The following CYGB variants were observed in gnomAD, a reference collection of about 807,000 sequenced individuals.
CYGB encodes the protein histoglobin.
Under a neutral mutation model 20.7 loss-of-function variants are expected in CYGB, and 13 were observed. That is an observed-to-expected ratio of 0.63 (90% CI 0.41 to 1.00). The LOEUF is 1.00. Ranked by LOEUF, CYGB falls within the 50% of genes least tolerant of loss-of-function variation. CYGB has a pLI of 0.00. For missense variants in CYGB, 218 were observed against 257.2 expected (o/e 0.85, Z 1.04); for synonymous variants, 93 against 107.4 (o/e 0.87, Z 0.83).
chr17:76,528,461 T>C lies in CYGB; in HGVS notation c.*117A>G, dbSNP rs902444184. The C allele has an allele frequency of 7.0e-6, 7 of 995,146 alleles. 1 individual carries two copies. The Admixed American group carries it at 2.1e-4, about 30-fold the overall frequency. 61.6% of individuals were successfully genotyped at this position (995,146 alleles called of 1,614,324 possible). A position where few individuals can be genotyped will look rare whatever the true frequency, so the allele number is the denominator to read the frequency against. On this transcript the variant is annotated 3_prime_UTR_variant, in exon 4 of 4. Transcript: ENST00000293230. The surrounding 1 kb of genome is among the most constrained non-coding windows in gnomAD (Gnocchi z 5.8). ...GCCACAGAGGCCTCCTTCGGGGAAG[T>C]TGAGTCAGGGATTCCTCCAGCTTCC...
chr17:76,542,443 C>A, upstream of CYGB: 1 of 1,293,064 alleles, frequency 7.7e-7, no homozygotes, highest in South Asian at 1.2e-5. Flanking sequence ...TGGTCCTGCC[C>A]CTCAATATTG....
upstream of CYGB, chr17:76,542,647 G>T: frequency 6.4e-7 from 1 of 1,550,916 alleles, no homozygotes; most frequent in South Asian, 1.1e-5. Flanking sequence ...GGGCAGGGCT[G>T]GGAGCCGGGG....
Position 76,531,225 on chromosome 17 carries a change from G to A in CYGB, c.376-83C>T. Reference sequence around the variant, plus strand: ...CCCAGGCCCCTCCGCCCCACGTGTGGCCGAGAGGATCATTCCTAACGCAAC... The same window carrying A: ...CCCAGGCCCCTCCGCCCCACGTGTGACCGAGAGGATCATTCCTAACGCAAC... On this transcript the variant is annotated intron_variant, in intron 2 of 3. Coordinates refer to ENST00000293230, the MANE Select transcript of CYGB (RefSeq NM_134268.5). The surrounding 1 kb of genome is among the most constrained non-coding windows in gnomAD (Gnocchi z 7.4). The A allele has an allele frequency of 7.0e-7, 1 of 1,431,340 alleles. No homozygotes were observed. The highest frequency in any genetic ancestry group is 9.6e-7 in the Non-Finnish European group (1 of 1,045,186). 88.7% of individuals were successfully genotyped at this position (1,431,340 alleles called of 1,614,324 possible).
chr17:76,531,538 G>A lies in CYGB; in HGVS notation c.297C>T (p.Pro99=), dbSNP rs376396725. ...LNTVVENLHD[P]DKVSSVLALV... ...GGGCGAGCACAGAGGACACCTTGTC[G>A]GGGTCATGCAGGTTCTCCACGACAG... Residue 99 remains proline, a synonymous_variant, in exon 2 of 4, where the codon CCC becomes CCT. Coordinates refer to ENST00000293230, the MANE Select transcript of CYGB (RefSeq NM_134268.5). This position sits in a 1 kb window ranked among gnomAD's most constrained non-coding sequence, Gnocchi z 7.4. 5 of 1,614,014 alleles carry A rather than the reference G, an allele frequency of 3.1e-6. No individual in the cohort carries two copies. The highest frequency in any genetic ancestry group is 2.7e-5 in the African/African-American group (2 of 74,930).
upstream of CYGB, chr17:76,542,461 T>G: frequency 1.4e-6 from 2 of 1,453,014 alleles, no homozygotes; most frequent in Non-Finnish European, 1.9e-6. Context: ...TTGGGGTGAA[T>G]TGATAGGGAT....
In CYGB at chr17:76,531,940, C is replaced by G. The variant is rs1170838367; in HGVS notation, c.144-249G>C. The G allele has an allele frequency of 1.2e-5, 5 of 416,074 alleles. No individual in the cohort carries two copies. Among genetic ancestry groups the G allele is most frequent in the African/African-American group, 2.0e-5 (1 of 50,962 alleles). The allele number at this position is 416,074 out of a possible 1,614,324, so 25.8% of individuals were successfully genotyped here. The stretch of plus-strand genomic sequence containing the variant: ...CAGGCTGGCGGCTTCATCTCCTAGG[C>G]CTCTGTCTTCCTCGCTTCTTGCTTC... On this transcript the variant is annotated intron_variant, in intron 1 of 3. Coordinates refer to ENST00000293230, the MANE Select transcript of CYGB (RefSeq NM_134268.5). This position sits in a 1 kb window ranked among gnomAD's most constrained non-coding sequence, Gnocchi z 7.4.
chr17:76,541,100 A>G (rs2074987593), upstream of CYGB, among the ~76,000 whole-genome samples: 1 of 151,722 alleles, frequency 6.6e-6, no homozygotes, highest in Non-Finnish European at 1.5e-5. Flanking sequence ...CAGAAAGTTA[A>G]CTCTTCCCTA....
chr17:76,531,707 G>A lies in CYGB; in HGVS notation c.144-16C>T. On this transcript the variant is annotated splice_polypyrimidine_tract_variant and intron_variant, in intron 1 of 3. Coordinates refer to ENST00000293230, the MANE Select transcript of CYGB (RefSeq NM_134268.5). This position sits in a 1 kb window ranked among gnomAD's most constrained non-coding sequence, Gnocchi z 7.4. ...CACAAAGAACCTGGCAAGAGGAACA[G>A]GGGTGGTCGCTGAAGCTGGAGGCTG... 1.3e-6 allele frequency: 2 copies of A among 1,573,040 alleles called. No homozygotes were observed. Among genetic ancestry groups the A allele is most frequent in the Non-Finnish European group, 1.7e-6 (2 of 1,151,562 alleles).
In CYGB at chr17:76,527,644, C is replaced by T. The variant is rs1009663461; in HGVS notation, c.*934G>A. 3.5e-5 allele frequency: 16 copies of T among 453,746 alleles called. No homozygotes were observed. The highest frequency in any genetic ancestry group is 6.2e-5 in the Non-Finnish European group (14 of 226,628). The allele number at this position is 453,746 out of a possible 1,614,324, so 28.1% of individuals were successfully genotyped here. On this transcript the variant is annotated 3_prime_UTR_variant, in exon 4 of 4. Transcript: ENST00000293230. ...TGGGGTGGGGAAAGCCCTCGGCCCT[C>T]GGAGCTGAGGGTGAGACCCAGGCAT... is the stretch of plus-strand genomic sequence containing the variant.
At chr17:76,543,371 G>C in intron 1 of CYGB, 1 of 340,766 alleles carries the variant, frequency 2.9e-6, no homozygotes, top group Non-Finnish European at 5.8e-6. Flanking sequence ...CCAGGCAAGA[G>C]GCAGGAATAA....
At chr17:76,547,905 A>G (rs994572657) in intron 1 of CYGB, among the ~76,000 whole-genome samples, 6 of 129,686 alleles carry the variant, frequency 4.6e-5, no homozygotes, top group Non-Finnish European at 9.3e-5. Flanking sequence ...AGACACACAT[A>G]ACACATTCAC....
chr17:76,531,278 T>G lies in CYGB; in HGVS notation c.376-136A>C. The G allele has an allele frequency of 8.2e-7, 1 of 1,222,910 alleles. No homozygotes were observed. The highest frequency in any genetic ancestry group is 2.4e-5 in the Admixed American group (1 of 41,312). The allele number at this position is 1,222,910 out of a possible 1,614,324, so 75.8% of individuals were successfully genotyped here. ...TCTGGCAGCTTTGGGAACCCCGTGC[T>G]CTCAGGACAAGGGTTGCCCTGGACC... On this transcript the variant is annotated intron_variant, in intron 2 of 3. Transcript: ENST00000293230. The surrounding 1 kb of genome is among the most constrained non-coding windows in gnomAD (Gnocchi z 7.4).
intron 1 of CYGB, chr17:76,543,075 T>G (rs575871400): frequency 4.2e-6 from 2 of 471,600 alleles, no homozygotes; most frequent in Non-Finnish European, 8.8e-6. Context: ...CTGTGGGAGC[T>G]GCAGCAGCGG....
chr17:76,539,924 C>T (rs2074965280), upstream of CYGB: 1 of 604,080 alleles, frequency 1.7e-6, no homozygotes, highest in African/African-American at 1.9e-5. Context: ...ATGCCTTGAC[C>T]CTACCGCTGG....
In CYGB at chr17:76,533,318, T is replaced by C. The variant is rs1335518435; in HGVS notation, c.144-1627A>G. On this transcript the variant is annotated intron_variant, in intron 1 of 3. Coordinates refer to ENST00000293230, the MANE Select transcript of CYGB (RefSeq NM_134268.5). The surrounding 1 kb of genome is among the most constrained non-coding windows in gnomAD (Gnocchi z 4.5). ...GTGAGGACACGTGAGGCGACGGGTC[T>C]GAAAATACATTGAATTTTCTGGAGA... is the stretch of plus-strand genomic sequence containing the variant. 6.6e-6 allele frequency among the ~76,000 whole-genome samples: 1 copy of C among 152,324 alleles called. No homozygotes were observed. Among genetic ancestry groups the C allele is most frequent in the East Asian group, 1.9e-4 (1 of 5,188 alleles).
Position 76,530,965 on chromosome 17 carries a change from G to C in CYGB, c.539+14C>G. The C allele has an allele frequency of 1.3e-6, 2 of 1,565,154 alleles. No homozygotes were observed. The highest frequency in any genetic ancestry group is 1.7e-6 in the Non-Finnish European group (2 of 1,153,362). On this transcript the variant is annotated intron_variant, in intron 3 of 3. Coordinates refer to ENST00000293230, the MANE Select transcript of CYGB (RefSeq NM_134268.5). This position sits in a 1 kb window ranked among gnomAD's most constrained non-coding sequence, Gnocchi z 6.1. Reference sequence around the variant, plus strand: ...CGGGGAGGCTGCCCAGCCCACCCTCGCCCGCCTCCTCACGTGGTGGCGTTG... The same window carrying C: ...CGGGGAGGCTGCCCAGCCCACCCTCCCCCGCCTCCTCACGTGGTGGCGTTG...
intron 1 of CYGB, among the ~76,000 whole-genome samples, chr17:76,534,108 TTTC>T (rs779611726): frequency 0.03 from 4,390 of 148,166 alleles, 92 homozygotes; most frequent in Non-Finnish European, 0.047. Flanking sequence ...TTTTTCTTTC[TTTC>T]TTCTTTCTTT....
chr17:76,531,394 C>T lies in CYGB; in HGVS notation c.375+66G>A. 6.5e-7 allele frequency: 1 copy of T among 1,548,072 alleles called. No homozygotes were observed. Among genetic ancestry groups the T allele is most frequent in the South Asian group, 1.2e-5 (1 of 85,026 alleles). On this transcript the variant is annotated intron_variant, in intron 2 of 3. Transcript: ENST00000293230. This position sits in a 1 kb window ranked among gnomAD's most constrained non-coding sequence, Gnocchi z 7.4. ...GTTGCTCCAGAGAGCCGTCGCAGAG[C>T]CTGCGAGCTGCAGATGGCCATGACG...
In CYGB at chr17:76,531,576, C is replaced by T; in HGVS notation, c.259G>A (p.Gly87Arg). 2 of 1,614,066 alleles carry T rather than the reference C, an allele frequency of 1.2e-6. No homozygotes were observed. The highest frequency in any genetic ancestry group is 1.7e-5 in the Admixed American group (1 of 60,018). ...QLRKHACRVM[G>R]ALNTVVENLH... ...TTCTCCACGACAGTGTTGAGGGCCC[C>T]CATGACTCGGCAGGCGTGCTTCCGC... Residue 87 changes from glycine to arginine, a missense_variant, in exon 2 of 4, where the codon GGG becomes AGG. Transcript: ENST00000293230. This position sits in a 1 kb window ranked among gnomAD's most constrained non-coding sequence, Gnocchi z 7.4.
Sources: gnomAD v4.1 joint callset for allele counts (sites outside exome capture counted in the v4.1 genomes callset) on GRCh38, gnomAD v4.1.1 for gene constraint, Gnocchi (gnomAD v3.1) non-coding constraint, MANE v1.5 for transcripts, NCBI Gene and HGNC (gene_info 2026-07-23, HGNC 2026-07-21) for gene names.